The following SHISAL2A variants were observed in gnomAD, a reference collection of about 807,000 sequenced individuals.
SHISAL2A encodes shisa like 2A, also known as protein shisa-like-2A.
In SHISAL2A, 18 loss-of-function variants were observed where a neutral mutation model predicts 11.5. That is an observed-to-expected ratio of 1.57 (90% CI 1.08 to 2.33). The LOEUF (loss-of-function observed/expected upper bound fraction) is 2.33. SHISAL2A is among the 30% of genes most tolerant of loss of function. The pLI, the probability that SHISAL2A is intolerant of heterozygous loss-of-function variation, is 0.00. For missense variants in SHISAL2A, 261 were observed against 250.9 expected (o/e 1.04, Z -0.27); for synonymous variants, 94 against 99.6 (o/e 0.94, Z 0.34).
Position 52,633,529 on chromosome 1 carries a change from G to T in SHISAL2A, c.36G>T (p.Glu12Asp), listed in dbSNP as rs373019810. Residue 12 changes from glutamate (E) to aspartate (D), a missense_variant, in exon 1 of 3, where the codon GAG (glutamate) becomes GAT (aspartate). Physicochemically the swap from Glu to Asp is conservative, Grantham distance 45. Coordinates refer to ENST00000517870, the MANE Select transcript of SHISAL2A (RefSeq NM_001042693.3). The surrounding 1 kb of genome is among the most constrained non-coding windows in gnomAD (Gnocchi z 6.4). ...CCTGCACGAGCTACGTGAGCGCAGA[G>T]CAGGAGGTGGTGCGCGGCTTCAGCT... ...SGACTSYVSA[E>D]QEVVRGFSCP... The T allele has an allele frequency of 1.9e-6, 3 of 1,599,432 alleles. No individual in the cohort carries two copies. The highest frequency in any genetic ancestry group is 1.4e-5 in the African/African-American group (1 of 73,964).
intron 2 of SHISAL2A, among the ~76,000 whole-genome samples, chr1:52,654,531 C>T (rs559485513): frequency 3.7e-4 from 57 of 152,146 alleles, no homozygotes; most frequent in African/African-American, 1.3e-3. Flanking sequence ...GATGAAGGTG[C>T]AAAATCAATT....
At chr1:52,634,609 C>G (rs780206967) in intron 1 of SHISAL2A, among the ~76,000 whole-genome samples, 1 of 152,190 alleles carries the variant, frequency 6.6e-6, no homozygotes, top group South Asian at 2.1e-4. Flanking sequence ...TAATAGGTCT[C>G]AATCCCCCTG....
Position 52,633,431 on chromosome 1 carries a change from C to A in SHISAL2A, c.-63C>A. 1 of 1,376,690 alleles carries A rather than the reference C, an allele frequency of 7.3e-7. No individual in the cohort carries two copies. The highest frequency in any genetic ancestry group is 1.6e-5 in the South Asian group (1 of 63,860). The allele number at this position is 1,376,690 out of a possible 1,614,324, so 85.3% of individuals were successfully genotyped here. On this transcript the variant is annotated 5_prime_UTR_variant, in exon 1 of 3. Coordinates refer to ENST00000517870, the MANE Select transcript of SHISAL2A (RefSeq NM_001042693.3). This position sits in a 1 kb window ranked among gnomAD's most constrained non-coding sequence, Gnocchi z 6.4. ...TCCGTCTCGCTCGGTCCCTCGCTTC[C>A]CCGCCGGGCTCTAGCCGGCCGTCTG...
At chr1:52,640,023 C>T (rs1256528164) in intron 1 of SHISAL2A, 1 of 152,120 alleles carries the variant, frequency 6.6e-6, no homozygotes, top group Non-Finnish European at 1.5e-5. Context: ...TTCCTGGACT[C>T]AAGTGATCGG....
At position 52,633,302 on chromosome 1, in the gene SHISAL2A, G is replaced by C; in HGVS notation, c.-192G>C. On this transcript the variant is annotated 5_prime_UTR_variant, in exon 1 of 3. Transcript: ENST00000517870. The surrounding 1 kb of genome is among the most constrained non-coding windows in gnomAD (Gnocchi z 6.4). ...CTGCCCCTACCCCTCCGCGCGGGCC[G>C]GGCACCTGGCCGCCGCTCGGTCCTC... 1.0e-5 allele frequency: 5 copies of C among 493,708 alleles called. No homozygotes were observed. 30.6% of individuals were successfully genotyped at this position (493,708 alleles called of 1,614,324 possible). A position where few individuals can be genotyped will look rare whatever the true frequency, so the allele number is the denominator to read the frequency against.
chr1:52,633,463 C>G lies in SHISAL2A; in HGVS notation c.-31C>G. The G allele has an allele frequency of 6.9e-7, 1 of 1,452,586 alleles. No individual in the cohort carries two copies. Among genetic ancestry groups the G allele is most frequent in the Non-Finnish European group, 9.0e-7 (1 of 1,111,420 alleles). The allele number at this position is 1,452,586 out of a possible 1,614,324, so 90.0% of individuals were successfully genotyped here. On this transcript the variant is annotated 5_prime_UTR_variant, in exon 1 of 3. Transcript: ENST00000517870. This position sits in a 1 kb window ranked among gnomAD's most constrained non-coding sequence, Gnocchi z 6.4. ...GGCTCTAGCCGGCCGTCTGGTGGCC[C>G]GAGGTGGCGGCGGGCTGGGCGCGGG...
chr1:52,663,925 G>A, intron 4 of SHISAL2A, among the ~76,000 whole-genome samples: 1 of 83,890 alleles, frequency 1.2e-5, no homozygotes, highest in East Asian at 2.0e-4. Context: ...CTGCCAAAAA[G>A]CTATCGCAGA....
chr1:52,642,699 C>G (rs570220124), intron 1 of SHISAL2A, among the ~76,000 whole-genome samples, 164 bp from the exon 2 acceptor site: 1 of 152,312 alleles, frequency 6.6e-6, no homozygotes, highest in Non-Finnish European at 1.5e-5. Context: ...GCTGGGATTA[C>G]AGGCATGGGC....
At chr1:52,635,487 G>A (rs1305126277) in intron 1 of SHISAL2A, among the ~76,000 whole-genome samples, 4 of 152,080 alleles carry the variant, frequency 2.6e-5, no homozygotes, top group South Asian at 2.1e-4. Flanking sequence ...CTACCTTCTT[G>A]CACTGAGTCA....
At position 52,642,844 on chromosome 1, in the gene SHISAL2A, T is replaced by C. The variant is rs766469342; in HGVS notation, c.183-19T>C. 7 of 1,612,114 alleles carry C rather than the reference T, an allele frequency of 4.3e-6. No individual in the cohort carries two copies. Among genetic ancestry groups the C allele is most frequent in the Middle Eastern group, 4.2e-4 (2 of 4,804 alleles). ...GTCCCTTCCTGACTCTCAGCTCCCATGTGGTCTTCTCTTCCCAGCATTGGC... is the reference window on the plus strand; with the variant it reads ...GTCCCTTCCTGACTCTCAGCTCCCACGTGGTCTTCTCTTCCCAGCATTGGC... On this transcript the variant is annotated intron_variant, in intron 1 of 2. Transcript: ENST00000517870.
chr1:52,650,587 C>G (rs1198374058), intron 2 of SHISAL2A, among the ~76,000 whole-genome samples: 1 of 149,788 alleles, frequency 6.7e-6, no homozygotes, highest in African/African-American at 2.5e-5. Context: ...TTATTAGGCG[C>G]TTCAATTTTT....
rs764185632 is a variant in SHISAL2A at position 52,642,995 on chromosome 1, G to A, written c.315G>A (p.Gln105=). ...AGTTGGACCTGGGCTTGAGCTTACA[G>A]ACAGCAGGTAAGGAAGTTGCCAGGT... ...HTKLDLGLSL[Q]TAGPEEVSPD... The change falls in exon 2 of 3, where the codon CAG becomes CAA. Residue 105 remains glutamine, a synonymous_variant. Transcript: ENST00000517870. 2 of 1,614,134 alleles carry A rather than the reference G, an allele frequency of 1.2e-6. No individual in the cohort carries two copies. Among genetic ancestry groups the A allele is most frequent in the Admixed American group, 3.3e-5 (2 of 60,010 alleles).
intron 1 of SHISAL2A, among the ~76,000 whole-genome samples, chr1:52,641,882 T>C (rs1358691850): frequency 6.6e-6 from 1 of 152,078 alleles, no homozygotes; most frequent in Non-Finnish European, 1.5e-5. Context: ...ATGAGTAGAT[T>C]GCTTGAGCTC....
At chr1:52,651,993 C>G (rs1405257467) in intron 2 of SHISAL2A, among the ~76,000 whole-genome samples, 5 of 152,170 alleles carry the variant, frequency 3.3e-5, no homozygotes, top group African/African-American at 9.7e-5. Context: ...GGACTTGAGC[C>G]AAGGTCTTGT....
intron 4 of SHISAL2A, among the ~76,000 whole-genome samples, chr1:52,662,647 C>A (rs1342954073): frequency 6.6e-6 from 1 of 151,838 alleles, no homozygotes; most frequent in Non-Finnish European, 1.5e-5. Context: ...TACCGCCCCC[C>A]CACCCTTTCT....
chr1:52,655,111 A>G (rs942563816), intron 2 of SHISAL2A, among the ~76,000 whole-genome samples: 4 of 152,168 alleles, frequency 2.6e-5, no homozygotes, highest in African/African-American at 9.7e-5. Context: ...ACTTGAACCC[A>G]GGAAATGGAG....
At chr1:52,663,774 A>G (rs1233309568) in intron 4 of SHISAL2A, among the ~76,000 whole-genome samples, 11 of 152,198 alleles carry the variant, frequency 7.2e-5, no homozygotes, top group Admixed American at 6.5e-4. Flanking sequence ...AAAAAAGAAA[A>G]GAAAGAAAGA....
intron 2 of SHISAL2A, among the ~76,000 whole-genome samples, chr1:52,649,291 A>T (rs1691572187): frequency 6.6e-6 from 1 of 152,154 alleles, no homozygotes; most frequent in South Asian, 2.1e-4. Flanking sequence ...CCCCCATTTT[A>T]TAGCAGAGGA....
At chr1:52,659,467 GGA>G (rs1160779726), downstream of SHISAL2A, 1 of 153,024 alleles carries the variant, frequency 6.5e-6, no homozygotes, top group Non-Finnish European at 1.5e-5. Flanking sequence ...CTCACATGGA[GGA>G]CAAGGCAGGC....
Sources: allele counts gnomAD v4.1 joint callset (sites outside exome capture counted in the v4.1 genomes callset), GRCh38; gene constraint gnomAD v4.1.1; non-coding constraint Gnocchi (gnomAD v3.1); transcripts MANE v1.5; gene names NCBI Gene and HGNC (gene_info 2026-07-23, HGNC 2026-07-21).